The following IL2RB variants were observed in gnomAD, a reference collection of about 807,000 sequenced individuals.
IL2RB encodes the protein interleukin-2 receptor subunit beta.
Under a neutral mutation model 44.2 loss-of-function variants are expected in IL2RB, and 17 were observed. The observed-to-expected ratio is 0.38, with a 90% CI of 0.26 to 0.58. The LOEUF (loss-of-function observed/expected upper bound fraction) is 0.58. Among genes scored for constraint, IL2RB ranks in the 20% least tolerant of loss-of-function variants. IL2RB has a pLI of 0.63. For synonymous variants in IL2RB, 286 were observed against 297.9 expected, an observed-to-expected ratio of 0.96 and a Z score of 0.41; for missense variants, 624 against 685.5, an observed-to-expected ratio of 0.91 and a Z score of 1.00.
At chr22:37,133,265 A>G (rs1921519528) in intron 8 of IL2RB, among the ~76,000 whole-genome samples, 1 of 152,150 alleles carries the variant, frequency 6.6e-6, no homozygotes, top group African/African-American at 2.4e-5. Context: ...CTACAGGGAC[A>G]TGGTTTCCCT....
intron 1 of IL2RB, among the ~76,000 whole-genome samples, chr22:37,168,739 G>C (rs1447985756): frequency 1.3e-5 from 2 of 152,202 alleles, no homozygotes; most frequent in African/African-American, 4.8e-5. Flanking sequence ...CCAAGACAGA[G>C]GGAGCTGCAA....
Position 37,137,740 on chromosome 22 carries a change from A to G in IL2RB, c.389-5T>C. 1.9e-6 allele frequency: 3 copies of G among 1,613,214 alleles called. No homozygotes were observed. Among genetic ancestry groups the G allele is most frequent in the Non-Finnish European group, 2.5e-6 (3 of 1,179,354 alleles). On this transcript the variant is annotated splice_polypyrimidine_tract_variant and splice_region_variant and intron_variant, in intron 5 of 9. Transcript: ENST00000216223. ...AGATGGGGGCCATCAGGCGAACTGG[A>G]GACAACAGGGGGTAGGGGAGAGCAG...
rs1457074362 is a variant in IL2RB, at chr22:37,141,865, G to C, written c.282+569C>G. On this transcript the variant is annotated intron_variant, in intron 4 of 9. Transcript: ENST00000216223. The surrounding 1 kb of genome is among the most constrained non-coding windows in gnomAD (Gnocchi z 4.4). Reference sequence around the variant, plus strand: ...CCTGGGCAGAAGGAGGCGGGTCCCTGGTGAGGTCCCACCTTCAGGCTGGGG... The same window carrying C: ...CCTGGGCAGAAGGAGGCGGGTCCCTCGTGAGGTCCCACCTTCAGGCTGGGG... Among the ~76,000 whole-genome samples the C allele has an allele frequency of 3.9e-5, 6 of 152,222 alleles. No individual in the cohort carries two copies. The highest frequency in any genetic ancestry group is 1.4e-4 in the African/African-American group (6 of 41,452).
intron 8 of IL2RB, among the ~76,000 whole-genome samples, chr22:37,134,212 C>T (rs1339115033): frequency 6.6e-6 from 1 of 152,156 alleles, no homozygotes; most frequent in African/African-American, 2.4e-5. Flanking sequence ...ATTTACATAG[C>T]ATTTACATGG....
At chr22:37,139,301 G>T in intron 4 of IL2RB, 79 bp from the exon 5 acceptor site, 1 of 940,196 alleles carries the variant, frequency 1.1e-6, no homozygotes, top group Non-Finnish European at 1.7e-6. Context: ...GATGACCTGG[G>T]AAGGATGGCA....
intron 1 of IL2RB, among the ~76,000 whole-genome samples, chr22:37,172,591 C>A (rs1364894368): frequency 1.3e-5 from 2 of 152,190 alleles, no homozygotes; most frequent in African/African-American, 2.4e-5. Context: ...GGGCCACACC[C>A]AAAGTGCCTC....
chr22:37,156,064 C>T (rs1392162268), intron 1 of IL2RB, among the ~76,000 whole-genome samples: 1 of 152,228 alleles, frequency 6.6e-6, no homozygotes, highest in Non-Finnish European at 1.5e-5. Flanking sequence ...CCTACCCGTC[C>T]TCCCTCTGCT....
intron 1 of IL2RB, chr22:37,162,119 G>A (rs1922901355): frequency 2.6e-5 from 4 of 152,220 alleles, no homozygotes; most frequent in Admixed American, 2.6e-4. Flanking sequence ...CATATATTTA[G>A]TACAGATCTC....
intron 1 of IL2RB, among the ~76,000 whole-genome samples, chr22:37,161,590 C>T (rs982900532): frequency 6.6e-6 from 1 of 150,658 alleles, no homozygotes; most frequent in East Asian, 2.0e-4. Flanking sequence ...AGACCTCAGG[C>T]GGGGAGAGCA....
At chr22:37,148,969 G>T (rs964066685) in intron 1 of IL2RB, among the ~76,000 whole-genome samples, 13 of 152,096 alleles carry the variant, frequency 8.5e-5, no homozygotes, top group Non-Finnish European at 1.6e-4. Flanking sequence ...CCACCCCCCT[G>T]CTCCCATACA....
chr22:37,170,501 G>A (rs1339975877), intron 1 of IL2RB, among the ~76,000 whole-genome samples: 1 of 152,190 alleles, frequency 6.6e-6, no homozygotes, highest in Non-Finnish European at 1.5e-5. Flanking sequence ...GGGAAGCAGC[G>A]CCACCCAGGG....
chr22:37,172,322 C>T (rs887298221), intron 1 of IL2RB, among the ~76,000 whole-genome samples: 6 of 152,164 alleles, frequency 3.9e-5, no homozygotes, highest in South Asian at 4.1e-4. Context: ...CCTTGGCGCC[C>T]GCTGTGCTTG....
At chr22:37,148,851 T>C (rs1349301275) in intron 1 of IL2RB, among the ~76,000 whole-genome samples, 1 of 152,070 alleles carries the variant, frequency 6.6e-6, no homozygotes. Flanking sequence ...ATATGGTGGC[T>C]GGGGCAGGGT....
At chr22:37,131,739 CTTT>C (rs1371692544) in intron 9 of IL2RB, among the ~76,000 whole-genome samples, 1 of 143,250 alleles carries the variant, frequency 7.0e-6, no homozygotes, top group African/African-American at 2.6e-5. Flanking sequence ...AGATAGGGTA[CTTT>C]TTTTTTTTTT....
chr22:37,128,863 G>A lies in IL2RB; in HGVS notation c.904-15C>T, dbSNP rs750835046. On this transcript the variant is annotated splice_polypyrimidine_tract_variant and intron_variant, in intron 9 of 9. Transcript: ENST00000216223. The surrounding 1 kb of genome is among the most constrained non-coding windows in gnomAD (Gnocchi z 4.5). ...GAGAGCCACTTCTGGTGGGAGAAAG[G>A]CCAGGGGTGGGTGAGTGGGGGCTTC... 4 of 1,582,768 alleles carry A rather than the reference G, an allele frequency of 2.5e-6. No homozygotes were observed. In the African/African-American group the frequency reaches 4.0e-5, roughly 16 times the overall value.
chr22:37,147,361 C>G (rs762292109), intron 1 of IL2RB, among the ~76,000 whole-genome samples: 14 of 152,152 alleles, frequency 9.2e-5, no homozygotes, highest in Non-Finnish European at 1.8e-4. Flanking sequence ...GGCAGGGATC[C>G]TCCCCTCCTG....
Position 37,126,468 on chromosome 22 carries a change from A to G in IL2RB, c.*1628T>C, listed in dbSNP as rs1921116132. The G allele has an allele frequency of 6.6e-6, 1 of 152,142 alleles. No individual in the cohort carries two copies. The highest frequency in any genetic ancestry group is 1.5e-5 in the Non-Finnish European group (1 of 68,026). 9.4% of individuals were successfully genotyped at this position (152,142 alleles called of 1,614,324 possible). A position where few individuals can be genotyped will look rare whatever the true frequency, so the allele number is the denominator to read the frequency against. The stretch of plus-strand genomic sequence containing the variant: ...CAACGCTTGTGGAGCCTTGTCCACA[A>G]GCACCTGCTCCCAAGGGCCTCCCTC... On this transcript the variant is annotated 3_prime_UTR_variant, in exon 10 of 10. Transcript: ENST00000216223.
upstream of IL2RB, among the ~76,000 whole-genome samples, chr22:37,153,686 GA>G (rs1164123514): frequency 3.3e-5 from 5 of 152,268 alleles, no homozygotes; most frequent in Non-Finnish European, 7.4e-5. Context: ...AAGAAATTAG[GA>G]ACGCCGGTTG....
Position 37,141,806 on chromosome 22 carries a change from G to A in IL2RB, c.282+628C>T, listed in dbSNP as rs228967. 0.023 allele frequency among the ~76,000 whole-genome samples: 3,523 copies of A among 152,332 alleles called. 149 individuals carry two copies. Among genetic ancestry groups the A allele is most frequent in the African/African-American group, 0.081 (3,385 of 41,570 alleles). On this transcript the variant is annotated intron_variant, in intron 4 of 9. Transcript: ENST00000216223. This position sits in a 1 kb window ranked among gnomAD's most constrained non-coding sequence, Gnocchi z 4.4. ...CCACGGGGGTGCAGGGGACAGCTTG[G>A]CACTGGCCTGCAGGTGCCCCTTGGC...
Sources: allele counts gnomAD v4.1 joint callset (sites outside exome capture counted in the v4.1 genomes callset), GRCh38; gene constraint gnomAD v4.1.1; non-coding constraint Gnocchi (gnomAD v3.1); transcripts MANE v1.5; gene names NCBI Gene and HGNC (gene_info 2026-07-23, HGNC 2026-07-21).